Variants in SLC22A15 observed in about 807,000 individuals in gnomAD.
The protein encoded by SLC22A15 is flipt 1.
In SLC22A15, 45 loss-of-function variants were observed where a neutral mutation model predicts 62.7. The ratio of observed to expected loss-of-function variants is 0.72; its 90% CI spans 0.56 to 0.92. SLC22A15 has a LOEUF of 0.92. Among genes scored for constraint, SLC22A15 ranks in the 40% least tolerant of loss-of-function variants. SLC22A15 has a pLI of 0.00. For synonymous variants in SLC22A15, 264 were observed against 267.0 expected (o/e 0.99, Z 0.11); for missense variants, 622 against 665.6 (o/e 0.93, Z 0.72).
chr1:116,003,218 T>C (rs566713703), intron 2 of SLC22A15, among the ~76,000 whole-genome samples: 137 of 152,282 alleles, frequency 9.0e-4, no homozygotes, highest in Non-Finnish European at 1.5e-3. Context: ...TGAGCTGGTA[T>C]GCAAATTGCA....
At position 116,019,706 on chromosome 1, in the gene SLC22A15, A is replaced by G. The variant is rs759997752; in HGVS notation, c.425A>G (p.Tyr142Cys). 1.2e-5 allele frequency: 20 copies of G among 1,612,064 alleles called. No homozygotes were observed. The highest frequency in any genetic ancestry group is 2.2e-5 in the South Asian group (2 of 90,550). Residue 142 changes from tyrosine to cysteine, a missense_variant, in exon 3 of 12, where the codon TAT becomes TGT. Transcript: ENST00000369503. ...GATCGCTTCGGAAGGAAAAAAGTCT[A>G]TCTCACAGGTAATCTATTAGAGTAT... is the stretch of plus-strand genomic sequence containing the variant. ...LSDRFGRKKV[Y>C]LTGFALDILF...
At chr1:116,031,179 A>T (rs1439547639) in intron 5 of SLC22A15, among the ~76,000 whole-genome samples, 187 bp from the exon 6 acceptor site, 2 of 152,166 alleles carry the variant, frequency 1.3e-5, no homozygotes, top group African/African-American at 4.8e-5. Flanking sequence ...GATAAAGTAG[A>T]CTACCATTTA....
rs1374761137 is a variant in SLC22A15, at chr1:116,066,819, T to C, written c.1554+111T>C. ...GAGTAAAACTGCTGGAAAACAAAAG[T>C]GGGATCTAACAGCAGCTGATTTTCA... On this transcript the variant is annotated intron_variant, in intron 11 of 11. Transcript: ENST00000369503. 155 of 1,143,898 alleles carry C rather than the reference T, an allele frequency of 1.4e-4. 2 individuals carry two copies. Among genetic ancestry groups the C allele is most frequent in the Non-Finnish European group, 8.2e-5 (67 of 815,730 alleles). 70.9% of individuals were successfully genotyped at this position (1,143,898 alleles called of 1,614,324 possible).
intron 2 of SLC22A15, among the ~76,000 whole-genome samples, chr1:116,008,022 C>T (rs906860942): frequency 2.0e-5 from 3 of 152,104 alleles, no homozygotes; most frequent in East Asian, 1.9e-4. Context: ...GGGTGAAGAT[C>T]GACTCTGCCT....
chr1:116,021,501 T>G (rs563904799), intron 4 of SLC22A15, among the ~76,000 whole-genome samples: 1 of 152,336 alleles, frequency 6.6e-6, no homozygotes, highest in Non-Finnish European at 1.5e-5. Context: ...TTTATAGACT[T>G]AGGTTTGCAA....
intron 2 of SLC22A15, among the ~76,000 whole-genome samples, chr1:115,997,541 G>A (rs1655490130): frequency 6.6e-6 from 1 of 151,854 alleles, no homozygotes; most frequent in South Asian, 2.1e-4. Context: ...TTATTTTTTA[G>A]TATTTTATTT....
rs533264132 is a variant in SLC22A15 at position 116,069,098 on chromosome 1, T to C, written c.*1990T>C. 1.3e-5 allele frequency: 2 copies of C among 152,104 alleles called. No individual in the cohort carries two copies. Among genetic ancestry groups the C allele is most frequent in the African/African-American group, 4.8e-5 (2 of 41,502 alleles). The allele number at this position is 152,104 out of a possible 1,614,324, so 9.4% of individuals were successfully genotyped here. A position where few individuals can be genotyped will look rare whatever the true frequency, so the allele number is the denominator to read the frequency against. ...GTTCGATTGCCTCTGGCTAATAGAGTTCAATTAGTTCTATCCCTGGGTTTC... is the reference window on the plus strand; with the variant it reads ...GTTCGATTGCCTCTGGCTAATAGAGCTCAATTAGTTCTATCCCTGGGTTTC... On this transcript the variant is annotated 3_prime_UTR_variant, in exon 12 of 12. Transcript: ENST00000369503.
rs150258159 is a variant in SLC22A15, at chr1:115,985,933, G to A, written c.88-6098G>A. Among the ~76,000 whole-genome samples, 389 of 118,356 alleles carry A rather than the reference G, an allele frequency of 3.3e-3. 3 individuals are homozygous for A. Among genetic ancestry groups the A allele is most frequent in the East Asian group, 0.026 (108 of 4,134 alleles). 77.6% of individuals were successfully genotyped at this position (118,356 alleles called of 152,430 possible). A position where few individuals can be genotyped will look rare whatever the true frequency, so the allele number is the denominator to read the frequency against. On this transcript the variant is annotated intron_variant, in intron 1 of 11. Transcript: ENST00000369503. ...TGTACTCCAGCCTGCGTGACAGAGC[G>A]AGACTCCATCTCAAAAAAAAAAAAA... is the stretch of plus-strand genomic sequence containing the variant.
chr1:116,041,114 C>T (rs527978629), intron 8 of SLC22A15, among the ~76,000 whole-genome samples: 1 of 152,254 alleles, frequency 6.6e-6, no homozygotes, highest in South Asian at 2.1e-4. Context: ...AGAATCTGAA[C>T]AGTAGGAGAT....
At chr1:116,029,745 C>A (rs1477819328) in intron 5 of SLC22A15, among the ~76,000 whole-genome samples, 1 of 152,040 alleles carries the variant, frequency 6.6e-6, no homozygotes, top group Non-Finnish European at 1.5e-5. Flanking sequence ...ATTTTTATTG[C>A]TTATAAACAA....
chr1:116,062,200 A>T (rs923812402), intron 8 of SLC22A15, among the ~76,000 whole-genome samples: 1 of 152,044 alleles, frequency 6.6e-6, no homozygotes, highest in East Asian at 1.9e-4. Flanking sequence ...CAAGAGCAAG[A>T]CTCTGTCTCA....
At chr1:116,005,629 C>T (rs1056616404) in intron 2 of SLC22A15, among the ~76,000 whole-genome samples, 1 of 152,166 alleles carries the variant, frequency 6.6e-6, no homozygotes, top group Non-Finnish European at 1.5e-5. Context: ...TGGTAGGTCA[C>T]TATAGGTAAA....
At chr1:116,038,191 G>A (rs1016407495) in intron 8 of SLC22A15, among the ~76,000 whole-genome samples, 4 of 152,100 alleles carry the variant, frequency 2.6e-5, no homozygotes, top group African/African-American at 9.7e-5. Flanking sequence ...CTGTCTTAGG[G>A]GCTTTTGGAT....
chr1:116,020,425 G>A (rs1656766192), intron 3 of SLC22A15, among the ~76,000 whole-genome samples: 2 of 151,328 alleles, frequency 1.3e-5, no homozygotes, highest in African/African-American at 2.4e-5. Flanking sequence ...GCATGGTGGC[G>A]GGCGCCTGTA....
intron 2 of SLC22A15, among the ~76,000 whole-genome samples, chr1:116,012,963 G>T (rs375707815): frequency 6.6e-6 from 1 of 152,134 alleles, no homozygotes; most frequent in East Asian, 1.9e-4. Flanking sequence ...TCTCTACAGT[G>T]CTCTCCTGTA....
intron 2 of SLC22A15, among the ~76,000 whole-genome samples, chr1:115,993,251 C>A (rs1381728009): frequency 1.3e-5 from 2 of 152,128 alleles, no homozygotes; most frequent in Admixed American, 6.5e-5. Context: ...ACTGTTGACA[C>A]CCTGGCCCCA....
intron 6 of SLC22A15, 127 bp downstream of exon 6, chr1:116,031,708 A>G (rs1206005282): frequency 3.3e-5 from 49 of 1,475,398 alleles, no homozygotes; most frequent in Non-Finnish European, 4.1e-5. Context: ...TGTTTTCTCA[A>G]CAGCAAGTCT....
intron 2 of SLC22A15, among the ~76,000 whole-genome samples, chr1:116,010,587 C>G (rs929100932): frequency 6.6e-6 from 1 of 152,146 alleles, no homozygotes; most frequent in Non-Finnish European, 1.5e-5. Flanking sequence ...TCACAGGAGG[C>G]CTCTGATTAC....
At chr1:116,062,923 C>T (rs1324276315) in intron 9 of SLC22A15, 41 bp downstream of exon 9, 1 of 1,605,174 alleles carries the variant, frequency 6.2e-7, no homozygotes, top group Non-Finnish European at 8.5e-7. Context: ...ACATTCTACA[C>T]TTTGTCATCC....
Sources: allele counts gnomAD v4.1 joint callset (sites outside exome capture counted in the v4.1 genomes callset), GRCh38; gene constraint gnomAD v4.1.1; transcripts MANE v1.5; gene names NCBI Gene and HGNC (gene_info 2026-07-23, HGNC 2026-07-21).